INSR: variants seen among roughly 807,000 people sequenced by gnomAD.
The protein encoded by INSR is IR.
Under a neutral mutation model 142.6 loss-of-function variants are expected in INSR, and 67 were observed. The ratio of observed to expected loss-of-function variants is 0.47; its 90% CI spans 0.39 to 0.58. The LOEUF is 0.58. Ranked by LOEUF, INSR falls within the 20% of genes least tolerant of loss-of-function variation. The pLI is 0.00. For missense variants in INSR, 1,248 were observed against 1,833.2 expected, an observed-to-expected ratio of 0.68 and a Z score of 5.83; for synonymous variants, 756 against 743.1, an observed-to-expected ratio of 1.02 and a Z score of -0.28.
chr19:7,215,797 G>A (rs1975415315), intron 2 of INSR, among the ~76,000 whole-genome samples: 1 of 151,704 alleles, frequency 6.6e-6, no homozygotes, highest in African/African-American at 2.4e-5. Flanking sequence ...TCAAACTCCT[G>A]ACCTCAGGTG....
chr19:7,163,827 C>A (rs967944220), intron 8 of INSR, among the ~76,000 whole-genome samples: 1 of 148,332 alleles, frequency 6.7e-6, no homozygotes, highest in African/African-American at 2.5e-5. Context: ...CCTGTAATCC[C>A]AGCACTTTAG....
At chr19:7,165,777 T>C (rs34391898) in intron 8 of INSR, among the ~76,000 whole-genome samples, 32,159 of 150,334 alleles carry the variant, frequency 0.21, 3,712 homozygotes, top group Non-Finnish European at 0.24. Context: ...GTGGGAGAAT[T>C]ACTTGAACCT....
In INSR at chr19:7,293,978, G is replaced by A; in HGVS notation, c.-87C>T. ...GCTCCGAGGCGGCCACCCAAGAGGCGCTGGGGGCCGCGCGTCCTTCTCTTC... is the reference window on the plus strand; with the variant it reads ...GCTCCGAGGCGGCCACCCAAGAGGCACTGGGGGCCGCGCGTCCTTCTCTTC... On this transcript the variant is annotated 5_prime_UTR_variant, in exon 1 of 22. Transcript: ENST00000302850. The A allele has an allele frequency of 1.8e-6, 2 of 1,124,112 alleles. No homozygotes were observed. Among genetic ancestry groups the A allele is most frequent in the Non-Finnish European group, 2.2e-6 (2 of 919,070 alleles). 69.6% of individuals were successfully genotyped at this position (1,124,112 alleles called of 1,614,324 possible).
chr19:7,261,404 G>A (rs1357414206), intron 2 of INSR, among the ~76,000 whole-genome samples: 2 of 152,134 alleles, frequency 1.3e-5, no homozygotes, highest in East Asian at 1.9e-4. Flanking sequence ...GTAAGGCTTC[G>A]TGCATTGGAC....
intron 2 of INSR, among the ~76,000 whole-genome samples, chr19:7,227,537 T>C (rs1416102223): frequency 3.9e-5 from 6 of 152,144 alleles, no homozygotes; most frequent in Non-Finnish European, 8.8e-5. Context: ...TCTCCCCAAA[T>C]GCTGCAAATA....
rs994728095 is a variant in INSR, at chr19:7,115,006, G to T, written c.*2050C>A. 1 of 151,868 alleles carries T rather than the reference G, an allele frequency of 6.6e-6. No homozygotes were observed. The highest frequency in any genetic ancestry group is 1.5e-5 in the Non-Finnish European group (1 of 67,986). 9.4% of individuals were successfully genotyped at this position (151,868 alleles called of 1,614,324 possible). On this transcript the variant is annotated 3_prime_UTR_variant, in exon 22 of 22. Coordinates refer to ENST00000302850, the MANE Select transcript of INSR (RefSeq NM_000208.4). Reference sequence around the variant, plus strand: ...TTGCTTCTTGTACCCAATCACTGAGGCTCCTCAGCAATATTTTTACATGCT... The same window carrying T: ...TTGCTTCTTGTACCCAATCACTGAGTCTCCTCAGCAATATTTTTACATGCT...
At position 7,112,789 on chromosome 19, in the gene INSR, G is replaced by A. The variant is rs1474272075; in HGVS notation, c.*4267C>T. 6.6e-6 allele frequency: 1 copy of A among 151,792 alleles called. No individual in the cohort carries two copies. Among genetic ancestry groups the A allele is most frequent in the Non-Finnish European group, 1.5e-5 (1 of 67,972 alleles). 9.4% of individuals were successfully genotyped at this position (151,792 alleles called of 1,614,324 possible). On this transcript the variant is annotated 3_prime_UTR_variant, in exon 22 of 22. Coordinates refer to ENST00000302850, the MANE Select transcript of INSR (RefSeq NM_000208.4). Reference sequence around the variant, plus strand: ...CCCTCCCCTCACTCCCATTTCTCGGGGACCCTTAAGGAAATATTCACCTTC... The same window carrying A: ...CCCTCCCCTCACTCCCATTTCTCGGAGACCCTTAAGGAAATATTCACCTTC...
chr19:7,246,258 C>T (rs201449412), intron 2 of INSR, among the ~76,000 whole-genome samples: 1 of 152,128 alleles, frequency 6.6e-6, no homozygotes, highest in Non-Finnish European at 1.5e-5. Flanking sequence ...GATGTTAGCA[C>T]ACAAGATGCA....
intron 1 of INSR, chr19:7,268,405 C>A: frequency 1.0e-6 from 1 of 984,392 alleles, no homozygotes; most frequent in Non-Finnish European, 1.2e-6. Flanking sequence ...GACCTAATTA[C>A]CTTTTACCTG....
chr19:7,178,831 G>A (rs75154977), intron 3 of INSR, among the ~76,000 whole-genome samples: 3,953 of 152,298 alleles, frequency 0.026, 174 homozygotes, highest in African/African-American at 0.091. Context: ...GCCACGAGGA[G>A]GCAATATGGA....
At chr19:7,140,799 A>G (rs2144856521) in intron 13 of INSR, among the ~76,000 whole-genome samples, 1 of 146,250 alleles carries the variant, frequency 6.8e-6, no homozygotes, top group South Asian at 2.2e-4. Flanking sequence ...CTAGCTGTCC[A>G]TAAAAATAAT....
At chr19:7,274,970 C>T (rs1050841626) in intron 1 of INSR, among the ~76,000 whole-genome samples, 3 of 142,698 alleles carry the variant, frequency 2.1e-5, no homozygotes, top group Admixed American at 2.1e-4. Context: ...TGGTGTTAGA[C>T]AGCACTTTTT....
chr19:7,222,482 C>G (rs1196674511), intron 2 of INSR, among the ~76,000 whole-genome samples: 3 of 152,154 alleles, frequency 2.0e-5, no homozygotes, highest in Non-Finnish European at 4.4e-5. Flanking sequence ...CAGCATCAAA[C>G]TCCTGCGGTC....
At chr19:7,120,788 C>A (rs371494268) in intron 19 of INSR, 39 bp from the exon 20 acceptor site, 1 of 1,609,404 alleles carries the variant, frequency 6.2e-7, no homozygotes, top group African/African-American at 1.3e-5. Context: ...TAACCTTCAG[C>A]CTTGGTCCTA....
intron 11 of INSR, 86 bp from the exon 12 acceptor site, chr19:7,143,176 A>G: frequency 6.8e-7 from 1 of 1,473,712 alleles, no homozygotes; most frequent in Non-Finnish European, 9.4e-7. Flanking sequence ...AGGCTTGATT[A>G]AGAAGAAAGA....
chr19:7,119,349 T>G lies in INSR; in HGVS notation c.3794+100A>C. 3 of 1,340,386 alleles carry G rather than the reference T, an allele frequency of 2.2e-6. No homozygotes were observed. Among genetic ancestry groups the G allele is most frequent in the Non-Finnish European group, 1.1e-6 (1 of 932,446 alleles). 83.0% of individuals were successfully genotyped at this position (1,340,386 alleles called of 1,614,324 possible). A position where few individuals can be genotyped will look rare whatever the true frequency, so the allele number is the denominator to read the frequency against. On this transcript the variant is annotated intron_variant, in intron 21 of 21. Transcript: ENST00000302850. The surrounding 1 kb of genome is among the most constrained non-coding windows in gnomAD (Gnocchi z 5.2). ...TGTAACATACAGCATGCAAACACGG[T>G]GAGCGTGTAGACATAGGAAAGGCAA...
chr19:7,223,707 T>C (rs1057022738), intron 2 of INSR, among the ~76,000 whole-genome samples: 1 of 152,146 alleles, frequency 6.6e-6, no homozygotes, highest in Non-Finnish European at 1.5e-5. Context: ...CAAGAAAAGC[T>C]AGGGTTCTGA....
chr19:7,215,554 C>CTGTA (rs1975405969), intron 2 of INSR, among the ~76,000 whole-genome samples: 2 of 61,450 alleles, frequency 3.3e-5, no homozygotes, highest in South Asian at 1.7e-3. Flanking sequence ...CTTCCTTTTC[C>CTGTA]TGTATTTATT....
intron 1 of INSR, among the ~76,000 whole-genome samples, chr19:7,279,955 G>A (rs978755648): frequency 5.1e-4 from 78 of 152,018 alleles, no homozygotes; most frequent in African/African-American, 1.5e-3. Context: ...GCGACAGTGC[G>A]AGGAGACCCT....
Sources: gnomAD v4.1 joint callset for allele counts (sites outside exome capture counted in the v4.1 genomes callset) on GRCh38, gnomAD v4.1.1 for gene constraint, Gnocchi (gnomAD v3.1) non-coding constraint, MANE v1.5 for transcripts, NCBI Gene and HGNC (gene_info 2026-07-23, HGNC 2026-07-21) for gene names.